Variants in PTPRM observed in about 807,000 individuals in gnomAD.
PTPRM encodes receptor-type tyrosine-protein phosphatase mu.
PTPRM carries 47 observed loss-of-function variants against 186.7 expected under a neutral mutation model. The ratio of observed to expected loss-of-function variants is 0.25; its 90% CI spans 0.20 to 0.32. PTPRM has a LOEUF of 0.32. Among genes scored for constraint, PTPRM ranks in the 10% least tolerant of loss-of-function variants. The pLI, the probability that PTPRM is intolerant of heterozygous loss-of-function variation, is 1.00. For missense variants in PTPRM, 1,494 were observed against 1,865.0 expected (o/e 0.80, Z 3.66); for synonymous variants, 668 against 674.9 (o/e 0.99, Z 0.16).
rs912298803 is a variant in PTPRM, at chr18:7,922,543, A to T, written c.548-4025A>T. 3.9e-5 allele frequency among the ~76,000 whole-genome samples: 6 copies of T among 152,174 alleles called. No individual in the cohort carries two copies. In the East Asian group the frequency reaches 7.7e-4, roughly 20 times the overall value. On this transcript the variant is annotated intron_variant, in intron 4 of 32. Transcript: ENST00000580170. Reference sequence around the variant, plus strand: ...TTTCCGGTTACTTTCTGCTGGGCAGATTGGGGGTTGGGGTTTCACAGATAT... The same window carrying T: ...TTTCCGGTTACTTTCTGCTGGGCAGTTTGGGGGTTGGGGTTTCACAGATAT...
At chr18:8,276,190 T>C (rs999310874) in intron 19 of PTPRM, among the ~76,000 whole-genome samples, 1 of 152,130 alleles carries the variant, frequency 6.6e-6, no homozygotes, top group African/African-American at 2.4e-5. Context: ...TTCTCCTTTC[T>C]CTAAACTTTC....
At chr18:7,681,618 T>G (rs1482930854) in intron 1 of PTPRM, among the ~76,000 whole-genome samples, 1 of 152,168 alleles carries the variant, frequency 6.6e-6, no homozygotes, top group Non-Finnish European at 1.5e-5. Context: ...TATTTTTGTT[T>G]GGAAATGGTT....
At chr18:8,227,027 A>G (rs2094221920) in intron 14 of PTPRM, among the ~76,000 whole-genome samples, 1 of 152,180 alleles carries the variant, frequency 6.6e-6, no homozygotes, top group Admixed American at 6.5e-5. Context: ...ATTTAGGATA[A>G]TCTTCCTTTT....
chr18:7,781,830 T>C (rs1187213939), intron 2 of PTPRM, among the ~76,000 whole-genome samples: 3 of 152,288 alleles, frequency 2.0e-5, no homozygotes, highest in East Asian at 3.9e-4. Context: ...TTCTGAATAA[T>C]TCCAGTCACT....
At chr18:7,818,610 T>C (rs548475083) in intron 2 of PTPRM, among the ~76,000 whole-genome samples, 1 of 152,216 alleles carries the variant, frequency 6.6e-6, no homozygotes, top group African/African-American at 2.4e-5. Flanking sequence ...CCTCTCTTTC[T>C]TTTAGTAGCT....
chr18:7,865,396 G>C (rs577690406), intron 2 of PTPRM, among the ~76,000 whole-genome samples: 1 of 152,148 alleles, frequency 6.6e-6, no homozygotes, highest in African/African-American at 2.4e-5. Flanking sequence ...TTAGCATAAA[G>C]GGTGTTGAAT....
chr18:7,857,309 A>G (rs1236934198), intron 2 of PTPRM, among the ~76,000 whole-genome samples: 1 of 152,144 alleles, frequency 6.6e-6, no homozygotes, highest in African/African-American at 2.4e-5. Context: ...AAACCTTGAA[A>G]TAGAGTAACA....
intron 23 of PTPRM, among the ~76,000 whole-genome samples, chr18:8,344,448 G>GTATATATATATATATATATATATATA (rs1207996603): frequency 9.9e-4 from 33 of 33,390 alleles, no homozygotes; most frequent in Non-Finnish European, 2.0e-3. Context: ...GTGTGTGTGT[G>GTATATATATATATATATATATATATA]TATATATATA....
rs140278662 is a variant in PTPRM, at chr18:8,009,959, T to C, written c.1132+54545T>C. ...TACCTGAATATAAACTTACTTTACA[T>C]TCCTACTAATAGTAAGGCACAAAAT... is the stretch of plus-strand genomic sequence containing the variant. On this transcript the variant is annotated intron_variant, in intron 7 of 32. Coordinates refer to ENST00000580170, the MANE Select transcript of PTPRM (RefSeq NM_001105244.2). 2.5e-3 allele frequency among the ~76,000 whole-genome samples: 380 copies of C among 152,330 alleles called. 1 individual carries two copies. The highest frequency in any genetic ancestry group is 4.3e-3 in the Non-Finnish European group (292 of 68,028).
chr18:7,957,660 G>C (rs745725691), intron 7 of PTPRM, among the ~76,000 whole-genome samples: 12 of 152,164 alleles, frequency 7.9e-5, no homozygotes, highest in Non-Finnish European at 1.0e-4. Flanking sequence ...TGAAAGGTGA[G>C]GAAAGTGAAG....
At chr18:7,849,000 T>G (rs2046733765) in intron 2 of PTPRM, among the ~76,000 whole-genome samples, 2 of 152,212 alleles carry the variant, frequency 1.3e-5, no homozygotes, top group Admixed American at 1.3e-4. Flanking sequence ...GATTCTGATT[T>G]AGGAATTTGA....
chr18:8,085,843 C>T lies in PTPRM; in HGVS notation c.1724C>T (p.Ala575Val). The T allele has an allele frequency of 6.2e-7, 1 of 1,613,284 alleles. No homozygotes were observed. The highest frequency in any genetic ancestry group is 1.1e-5 in the South Asian group (1 of 91,062). ...ACAGCTAAGGGTTTTGGGCCTCCAG[C>T]AACAAACCAGTTCACCACCAAAATA... ...ASTAKGFGPP[A>V]TNQFTTKISA... Residue 575 changes from alanine to valine, a missense_variant, in exon 10 of 33, where the codon GCA (alanine) becomes GTA (valine). Physicochemically the swap from Ala to Val is moderately conservative, Grantham distance 64 (BLOSUM62 0). This residue lies in a region of PTPRM where 1,107 missense variants were observed against 1,350.2 expected (regional missense o/e 0.82). Coordinates refer to ENST00000580170, the MANE Select transcript of PTPRM (RefSeq NM_001105244.2).
At chr18:8,115,823 T>C (rs2091934632) in intron 13 of PTPRM, among the ~76,000 whole-genome samples, 2 of 152,244 alleles carry the variant, frequency 1.3e-5, no homozygotes, top group South Asian at 2.1e-4. Context: ...AAATTCTCAC[T>C]GAATTCTTAT....
intron 2 of PTPRM, among the ~76,000 whole-genome samples, chr18:7,876,319 A>G (rs939569153): frequency 6.6e-6 from 1 of 152,244 alleles, no homozygotes; most frequent in Non-Finnish European, 1.5e-5. Flanking sequence ...ATGATATAAC[A>G]TGATCCAAAA....
chr18:8,204,525 G>C (rs1406704242), intron 14 of PTPRM, among the ~76,000 whole-genome samples: 1 of 152,016 alleles, frequency 6.6e-6, no homozygotes, highest in East Asian at 1.9e-4. Context: ...ACTGTACCTT[G>C]ATGTCAGAGC....
At chr18:7,791,251 G>T (rs2043329872) in intron 2 of PTPRM, among the ~76,000 whole-genome samples, 1 of 151,290 alleles carries the variant, frequency 6.6e-6, no homozygotes, top group South Asian at 2.1e-4. Context: ...TTTTTTTTCA[G>T]ATTAAAGAAC....
chr18:7,705,305 A>ATCTGTCTGTCTGTCTGTCTG (rs1568040980), intron 1 of PTPRM, among the ~76,000 whole-genome samples: 5 of 151,454 alleles, frequency 3.3e-5, no homozygotes, highest in African/African-American at 1.2e-4. Context: ...CTATCTATCT[A>ATCTGTCTGTCTGTCTGTCTG]TCTATCTATC....
intron 31 of PTPRM, among the ~76,000 whole-genome samples, chr18:8,393,881 C>T (rs866115053): frequency 3.3e-5 from 5 of 152,208 alleles, no homozygotes; most frequent in East Asian, 1.9e-4. Flanking sequence ...CTCCACCTCC[C>T]GGGTTCACGC....
chr18:8,032,751 G>A (rs957505871), intron 7 of PTPRM, among the ~76,000 whole-genome samples: 5 of 151,930 alleles, frequency 3.3e-5, no homozygotes, highest in African/African-American at 1.2e-4. Flanking sequence ...GAAAATACAA[G>A]CATATTAAAT....
Sources: gnomAD v4.1 joint callset for allele counts (sites outside exome capture counted in the v4.1 genomes callset) on GRCh38, gnomAD v4.1.1 for gene constraint, gnomAD v4.1.1 regional missense constraint, MANE v1.5 for transcripts, NCBI Gene and HGNC (gene_info 2026-07-23, HGNC 2026-07-21) for gene names.